The following PHOSPHO2 variants were observed in gnomAD, a reference collection of about 807,000 sequenced individuals.
The protein encoded by PHOSPHO2 is pyridoxal phosphate phosphatase PHOSPHO2.
In PHOSPHO2, 14 loss-of-function variants were observed where a neutral mutation model predicts 16.4. The observed-to-expected ratio is 0.85, with a 90% confidence interval of 0.56 to 1.33. The LOEUF is 1.33. Among genes scored for constraint, PHOSPHO2 ranks in the 40% most tolerant of loss-of-function variants. PHOSPHO2 has a pLI of 0.00. For synonymous variants in PHOSPHO2, 85 were observed against 90.5 expected, an observed-to-expected ratio of 0.94 and a Z score of 0.34; for missense variants, 246 against 282.5, an observed-to-expected ratio of 0.87 and a Z score of 0.93.
chr2:169,695,570 G>A (rs1160207451), intron 2 of PHOSPHO2, among the ~76,000 whole-genome samples: 1 of 151,994 alleles, frequency 6.6e-6, no homozygotes, highest in African/African-American at 2.4e-5. Flanking sequence ...CTGGGAGGCG[G>A]AGCTTGCAGT....
rs745822089 is a variant in PHOSPHO2, at chr2:169,701,591, C to T, written c.620C>T (p.Thr207Ile). 6.2e-7 allele frequency: 1 copy of T among 1,610,364 alleles called. No homozygotes were observed. The highest frequency in any genetic ancestry group is 2.2e-5 in the East Asian group (1 of 44,846). ...CGGAAAGGATATACCTTACAGAAAA[C>T]TCTTTCCAGAATGTCTCAAAATCTT... is the stretch of plus-strand genomic sequence containing the variant. The part of the protein sequence containing the change: ...MPRKGYTLQK[T>I]LSRMSQNLEP... The change falls in exon 4 of 4, where the codon ACT becomes ATT. Residue 207 changes from threonine to isoleucine, a missense_variant. By Grantham distance (89) the Thr-to-Ile change is moderately conservative. Transcript: ENST00000359744.
At chr2:169,700,878 T>C (rs1687728835) in intron 3 of PHOSPHO2, 68 bp from the exon 4 acceptor site, 3 of 1,371,410 alleles carry the variant, frequency 2.2e-6, no homozygotes, top group Non-Finnish European at 2.9e-6. Context: ...GTTATGTTTA[T>C]TAAATAAGTA....
intron 3 of PHOSPHO2, chr2:169,697,810 C>T (rs1053495938): frequency 4.6e-5 from 7 of 152,160 alleles, no homozygotes; most frequent in Admixed American, 3.3e-4. Context: ...TGCCTAGTTA[C>T]AGTACTACTG....
At position 169,701,344 on chromosome 2, in the gene PHOSPHO2, C is replaced by T; in HGVS notation, c.373C>T (p.Pro125Ser). 6.2e-7 allele frequency: 1 copy of T among 1,613,190 alleles called. No individual in the cohort carries two copies. The highest frequency in any genetic ancestry group is 8.5e-7 in the Non-Finnish European group (1 of 1,179,742). ...CATATTTGATAAAGTGTTTACAAATCCAGCAGCTTTTAATAGCAATGGTCA... is the reference window on the plus strand; with the variant it reads ...CATATTTGATAAAGTGTTTACAAATTCAGCAGCTTTTAATAGCAATGGTCA... ...HDIFDKVFTN[P>S]AAFNSNGHLT... Residue 125 changes from proline to serine, a missense_variant, in exon 4 of 4, where the codon CCA (proline) becomes TCA (serine). Pro to Ser is a moderately conservative substitution (Grantham distance 74). Coordinates refer to ENST00000359744, the MANE Select transcript of PHOSPHO2 (RefSeq NM_001008489.4).
chr2:169,700,317 G>C (rs1000895554), intron 3 of PHOSPHO2, among the ~76,000 whole-genome samples: 4 of 152,016 alleles, frequency 2.6e-5, no homozygotes, highest in African/African-American at 9.7e-5. Context: ...GTTTTTTATA[G>C]TGTTGGGTTT....
In PHOSPHO2 at chr2:169,695,664, G is replaced by T. The variant is rs567801654; in HGVS notation, c.-198+417G>T. On this transcript the variant is annotated intron_variant, in intron 2 of 3. Coordinates refer to ENST00000359744, the MANE Select transcript of PHOSPHO2 (RefSeq NM_001008489.4). The stretch of plus-strand genomic sequence containing the variant: ...AAAAAAAAAAAAGTTTCAAGAACTG[G>T]GAAGGAACAGAGATTTTTACCCTGT... 1.3e-4 allele frequency among the ~76,000 whole-genome samples: 20 copies of T among 152,014 alleles called. 1 individual carries two copies. In the South Asian group the frequency reaches 4.2e-3, roughly 32 times the overall value.
chr2:169,695,413 G>T (rs188963973), intron 2 of PHOSPHO2, among the ~76,000 whole-genome samples, 166 bp downstream of exon 2: 2 of 152,258 alleles, frequency 1.3e-5, no homozygotes, highest in African/African-American at 4.8e-5. Flanking sequence ...GAGGCGGGCG[G>T]ATCACGAGGT....
At chr2:169,694,813 C>G (rs1687451833) in intron 1 of PHOSPHO2, 191 bp downstream of exon 1, 1 of 210,882 alleles carries the variant, frequency 4.7e-6, no homozygotes, top group East Asian at 1.1e-4. Flanking sequence ...GTGTGAGGAG[C>G]AAAGCCCTCC....
intron 3 of PHOSPHO2, among the ~76,000 whole-genome samples, chr2:169,700,407 T>C (rs1389387688): frequency 6.6e-6 from 1 of 152,178 alleles, no homozygotes; most frequent in Non-Finnish European, 1.5e-5. Flanking sequence ...TTTCTGCATA[T>C]GGCTAGCCAG....
rs1295069036 is a variant in PHOSPHO2 at position 169,700,960 on chromosome 2, A to G, written c.-12A>G. 3 of 1,580,828 alleles carry G rather than the reference A, an allele frequency of 1.9e-6. No individual in the cohort carries two copies. Among genetic ancestry groups the G allele is most frequent in the East Asian group, 2.2e-5 (1 of 44,548 alleles). Reference sequence around the variant, plus strand: ...TTCTTTTTCAGGGTAATCCAAATCTATTTCTGGAACCATGAAAATTTTGCT... The same window carrying G: ...TTCTTTTTCAGGGTAATCCAAATCTGTTTCTGGAACCATGAAAATTTTGCT... On this transcript the variant is annotated 5_prime_UTR_variant, in exon 4 of 4. Coordinates refer to ENST00000359744, the MANE Select transcript of PHOSPHO2 (RefSeq NM_001008489.4).
intron 3 of PHOSPHO2, among the ~76,000 whole-genome samples, chr2:169,698,843 A>G (rs1219197167): frequency 2.6e-5 from 4 of 152,224 alleles, no homozygotes; most frequent in Non-Finnish European, 5.9e-5. Flanking sequence ...TAGAGCAGCT[A>G]TAAATAAACA....
chr2:169,700,827 T>A (rs1687725612), intron 3 of PHOSPHO2, 119 bp from the exon 4 acceptor site: 1 of 1,039,866 alleles, frequency 9.6e-7, no homozygotes, highest in East Asian at 2.7e-5. Flanking sequence ...AAGTGCTTAA[T>A]TACTTTGTTT....
At position 169,701,233 on chromosome 2, in the gene PHOSPHO2, A is replaced by T; in HGVS notation, c.262A>T (p.Asn88Tyr). 6.2e-7 allele frequency: 1 copy of T among 1,614,038 alleles called. No individual in the cohort carries two copies. Among genetic ancestry groups the T allele is most frequent in the East Asian group, 2.2e-5 (1 of 44,848 alleles). Reference sequence around the variant, plus strand: ...GGAACTCTTCAACTTTATAAGAAAGAATAAGGATAAATTTGACTGCATTAT... The same window carrying T: ...GGAACTCTTCAACTTTATAAGAAAGTATAAGGATAAATTTGACTGCATTAT... ...MVELFNFIRK[N>Y]KDKFDCIIIS... Residue 88 changes from asparagine to tyrosine, a missense_variant, in exon 4 of 4, where the codon AAT becomes TAT. By Grantham distance (143) the Asn-to-Tyr change is moderately radical. Coordinates refer to ENST00000359744, the MANE Select transcript of PHOSPHO2 (RefSeq NM_001008489.4).
Position 169,701,029 on chromosome 2 carries a change from A to C in PHOSPHO2, c.58A>C (p.Thr20Pro). ...DNTIIDDNSD[T>P]WIVQCAPNKK... ...TACAATCATAGATGACAATAGTGAC[A>C]CTTGGATTGTACAATGTGCTCCCAA... Residue 20 changes from threonine to proline, a missense_variant, in exon 4 of 4, where the codon ACT (threonine) becomes CCT (proline). Physicochemically the swap from Thr to Pro is conservative, Grantham distance 38 (BLOSUM62 -1). Coordinates refer to ENST00000359744, the MANE Select transcript of PHOSPHO2 (RefSeq NM_001008489.4). The C allele has an allele frequency of 6.2e-7, 1 of 1,613,334 alleles. No individual in the cohort carries two copies. Among genetic ancestry groups the C allele is most frequent in the Non-Finnish European group, 8.5e-7 (1 of 1,179,818 alleles).
At chr2:169,696,340 AGT>A (rs1248170171) in intron 2 of PHOSPHO2, among the ~76,000 whole-genome samples, 1 of 152,258 alleles carries the variant, frequency 6.6e-6, no homozygotes, top group African/African-American at 2.4e-5. Context: ...ATGTAGAAAA[AGT>A]GTGAACTACG....
In PHOSPHO2 at chr2:169,694,610, A is replaced by T. The variant is rs1467699688; in HGVS notation, c.-243A>T. The T allele has an allele frequency of 1.9e-6, 1 of 535,814 alleles. No homozygotes were observed. The highest frequency in any genetic ancestry group is 1.9e-5 in the African/African-American group (1 of 52,362). The allele number at this position is 535,814 out of a possible 1,614,324, so 33.2% of individuals were successfully genotyped here. ...GTCACGGGCGCCGGGGCGGCTGCCGACGGCGGGACTGGGTCAGTGAGAAGC... is the reference window on the plus strand; with the variant it reads ...GTCACGGGCGCCGGGGCGGCTGCCGTCGGCGGGACTGGGTCAGTGAGAAGC... On this transcript the variant is annotated 5_prime_UTR_variant, in exon 1 of 4. Coordinates refer to ENST00000359744, the MANE Select transcript of PHOSPHO2 (RefSeq NM_001008489.4).
intron 1 of PHOSPHO2, 101 bp from the exon 2 acceptor site, chr2:169,695,114 G>A (rs960320868): frequency 3.3e-5 from 5 of 152,324 alleles, no homozygotes; most frequent in African/African-American, 9.7e-5. Context: ...TGGCTCTGAC[G>A]TGTACACATA....
rs764405541 is a variant in PHOSPHO2 at position 169,701,366 on chromosome 2, G to A, written c.395G>A (p.Gly132Asp). ...FTNPAAFNSN[G>D]HLTVENYHTH... ...AATCCAGCAGCTTTTAATAGCAATG[G>A]TCATCTCACTGTTGAAAATTATCAT... The change falls in exon 4 of 4, where the codon GGT (glycine) becomes GAT (aspartate). Residue 132 changes from glycine to aspartate, a missense_variant. Coordinates refer to ENST00000359744, the MANE Select transcript of PHOSPHO2 (RefSeq NM_001008489.4). The A allele has an allele frequency of 6.2e-7, 1 of 1,613,626 alleles. No homozygotes were observed. The highest frequency in any genetic ancestry group is 1.7e-5 in the Admixed American group (1 of 59,990).
intron 3 of PHOSPHO2, among the ~76,000 whole-genome samples, chr2:169,700,224 T>C (rs1687704523): frequency 6.6e-6 from 1 of 152,220 alleles, no homozygotes; most frequent in African/African-American, 2.4e-5. Flanking sequence ...TTTTTGCTGT[T>C]GTTGCATTTG....
Sources: allele counts gnomAD v4.1 joint callset (sites outside exome capture counted in the v4.1 genomes callset), GRCh38; gene constraint gnomAD v4.1.1; transcripts MANE v1.5; gene names NCBI Gene and HGNC (gene_info 2026-07-23, HGNC 2026-07-21).